HMCN1: variants seen among roughly 807,000 people sequenced by gnomAD.
HMCN1 encodes the protein hemicentin-1.
HMCN1 carries 321 observed loss-of-function variants against 625.9 expected under a neutral mutation model. The observed-to-expected ratio is 0.51, with a 90% CI of 0.47 to 0.56. The LOEUF (loss-of-function observed/expected upper bound fraction) is 0.56, where lower values mean the gene tolerates loss of function less well. Ranked by LOEUF, HMCN1 falls within the 20% of genes least tolerant of loss-of-function variation. The pLI, the probability that HMCN1 is intolerant of heterozygous loss-of-function variation, is 0.00. For missense variants in HMCN1, 6,588 were observed against 6,887.3 expected, an observed-to-expected ratio of 0.96 and a Z score of 1.54; for synonymous variants, 2,425 against 2,417.6, an observed-to-expected ratio of 1.00 and a Z score of -0.09.
chr1:186,126,853 T>C (rs1661670655), intron 82 of HMCN1, among the ~76,000 whole-genome samples: 1 of 152,116 alleles, frequency 6.6e-6, no homozygotes, highest in Non-Finnish European at 1.5e-5. Flanking sequence ...CAATCTTATA[T>C]GCCTTAAATT....
chr1:185,844,928 A>G (rs923041023), intron 1 of HMCN1, among the ~76,000 whole-genome samples: 1 of 152,252 alleles, frequency 6.6e-6, no homozygotes, highest in South Asian at 2.1e-4. Context: ...ACAGATTTCC[A>G]AGTTAACCCA....
chr1:185,786,810 A>G (rs1192742207), intron 1 of HMCN1, among the ~76,000 whole-genome samples: 1 of 152,170 alleles, frequency 6.6e-6, no homozygotes, highest in Non-Finnish European at 1.5e-5. Flanking sequence ...CTAGTGGTCT[A>G]ATTTCCCATC....
At chr1:185,893,898 C>T (rs1665309074) in intron 4 of HMCN1, among the ~76,000 whole-genome samples, 1 of 152,056 alleles carries the variant, frequency 6.6e-6, no homozygotes, top group African/African-American at 2.4e-5. Context: ...AGTACATTAC[C>T]AGGACTCCAT....
At chr1:186,057,468 C>A in intron 46 of HMCN1, 67 bp downstream of exon 46, 1 of 1,101,488 alleles carries the variant, frequency 9.1e-7, no homozygotes, top group Non-Finnish European at 1.4e-6. Context: ...TCCTTAATTT[C>A]AAATTGCTCA....
At chr1:186,115,942 C>T (rs1263124382) in intron 75 of HMCN1, among the ~76,000 whole-genome samples, 1 of 151,496 alleles carries the variant, frequency 6.6e-6, no homozygotes, top group Non-Finnish European at 1.5e-5. Context: ...CTTTAAATCA[C>T]TAAGAATTTC....
At chr1:186,000,559 A>ATGTGTGTGTGTGTGTGTGTGTGTGTGTG (rs68110596) in intron 26 of HMCN1, among the ~76,000 whole-genome samples, 14 of 144,652 alleles carry the variant, frequency 9.7e-5, no homozygotes, top group Non-Finnish European at 1.7e-4. Flanking sequence ...GTGTGTGTGT[A>ATGTGTGTGTGTGTGTGTGTGTGTGTGTG]TGTGTGTGTG....
Position 186,136,784 on chromosome 1 carries a change from G to A in HMCN1, c.13429G>A (p.Gly4477Arg), listed in dbSNP as rs753334623. ...ACCAACCATTACATGGTCCCGTCAA[G>A]GGCACTCTATTTCCTGGGATGACCG... ...PQPTITWSRQ[G>R]HSISWDDRVN... The change falls in exon 87 of 107, where the codon GGG becomes AGG. Residue 4477 changes from glycine to arginine, a missense_variant. Transcript: ENST00000271588. The A allele has an allele frequency of 6.2e-7, 1 of 1,613,990 alleles. No homozygotes were observed. Among genetic ancestry groups the A allele is most frequent in the South Asian group, 1.1e-5 (1 of 91,074 alleles).
At chr1:185,893,213 C>T (rs1278720199) in intron 4 of HMCN1, among the ~76,000 whole-genome samples, 1 of 152,214 alleles carries the variant, frequency 6.6e-6, no homozygotes, top group Non-Finnish European at 1.5e-5. Context: ...CACTGTCTGG[C>T]ACTCCCTAGT....
rs758523815 is a variant in HMCN1 at position 186,166,173 on chromosome 1, T to C, written c.15320-11T>C. The stretch of plus-strand genomic sequence containing the variant: ...ACATACTGATTTGGGCCTTTTTGTT[T>C]CTTCTTTAAGATGAGGATGAATGTG... On this transcript the variant is annotated splice_polypyrimidine_tract_variant and intron_variant, in intron 98 of 106. Transcript: ENST00000271588. The C allele has an allele frequency of 6.2e-7, 1 of 1,614,038 alleles. No individual in the cohort carries two copies. The highest frequency in any genetic ancestry group is 1.7e-5 in the Admixed American group (1 of 60,004).
At chr1:186,136,596 C>T (rs1239518087) in intron 86 of HMCN1, 72 bp from the exon 87 acceptor site, 2 of 1,379,488 alleles carry the variant, frequency 1.4e-6, no homozygotes, top group African/African-American at 2.9e-5. Context: ...AATAATGTCG[C>T]CATATAATAC....
rs758288145 is a variant in HMCN1 at position 186,137,895 on chromosome 1, C to G, written c.13847C>G (p.Pro4616Arg). The G allele has an allele frequency of 6.2e-7, 1 of 1,614,066 alleles. No individual in the cohort carries two copies. The highest frequency in any genetic ancestry group is 2.2e-5 in the East Asian group (1 of 44,872). The change falls in exon 89 of 107, where the codon CCA (proline) becomes CGA (arginine). Residue 4616 changes from proline (P) to arginine (R), a missense_variant. Transcript: ENST00000271588. ...ACCAGGACCAGGACTTGCAATAATCCATCAGTTCAGCATGGTGGGCGGCCA... is the reference window on the plus strand; with the variant it reads ...ACCAGGACCAGGACTTGCAATAATCGATCAGTTCAGCATGGTGGGCGGCCA... ...NQTRTRTCNNPSVQHGGRPCE... is the reference protein window; with the variant it reads ...NQTRTRTCNNRSVQHGGRPCE...
Position 186,189,637 on chromosome 1 carries a change from C to A in HMCN1, c.16667C>A (p.Ala5556Glu). 1 of 1,612,586 alleles carries A rather than the reference C, an allele frequency of 6.2e-7. No homozygotes were observed. The highest frequency in any genetic ancestry group is 8.5e-7 in the Non-Finnish European group (1 of 1,179,134). Reference protein sequence around the residue: ...ATNQDLIRLVAYTQDGVMHPR... With the variant: ...ATNQDLIRLVEYTQDGVMHPR... The stretch of plus-strand genomic sequence containing the variant: ...AATCAAGATTTAATCCGGCTGGTTG[C>A]ATACACACAGGATGGAGTGATGCAT... Residue 5556 changes from alanine to glutamate, a missense_variant, in exon 107 of 107, where the codon GCA becomes GAA. Ala to Glu is a moderately radical substitution (Grantham distance 107). Transcript: ENST00000271588.
chr1:186,070,856 A>C (rs1658436637), intron 52 of HMCN1, 99 bp downstream of exon 52: 1 of 1,249,688 alleles, frequency 8.0e-7, no homozygotes, highest in African/African-American at 1.5e-5. Context: ...TCAGAGAATC[A>C]ATGTGATCTT....
chr1:185,928,778 A>G, intron 10 of HMCN1, 111 bp downstream of exon 10: 1 of 1,142,850 alleles, frequency 8.8e-7, no homozygotes, highest in Non-Finnish European at 1.3e-6. Context: ...TTATTTTATT[A>G]TTGTCTATCT....
intron 25 of HMCN1, 45 bp from the exon 26 acceptor site, chr1:186,000,000 C>A: frequency 1.5e-6 from 2 of 1,331,576 alleles, no homozygotes; most frequent in East Asian, 2.3e-5. Flanking sequence ...TTAATAATTT[C>A]TGTTTTTGTT....
chr1:185,753,426 C>A (rs1189590703), intron 1 of HMCN1, among the ~76,000 whole-genome samples: 1 of 151,984 alleles, frequency 6.6e-6, no homozygotes, highest in Non-Finnish European at 1.5e-5. Context: ...TTGATCATCT[C>A]TAATTTTTTG....
chr1:186,064,339 A>G (rs919279715), intron 48 of HMCN1, among the ~76,000 whole-genome samples: 1 of 152,046 alleles, frequency 6.6e-6, no homozygotes, highest in African/African-American at 2.4e-5. Flanking sequence ...ATCTCTTCCT[A>G]GAGGCTGTAA....
chr1:186,102,851 A>G (rs958251074), intron 68 of HMCN1, among the ~76,000 whole-genome samples: 1 of 152,126 alleles, frequency 6.6e-6, no homozygotes, highest in Non-Finnish European at 1.5e-5. Context: ...AGAACCTTAA[A>G]TGTTTCTTCC....
intron 81 of HMCN1, 94 bp from the exon 82 acceptor site, chr1:186,125,510 C>A: frequency 2.2e-6 from 2 of 926,824 alleles, no homozygotes; most frequent in Non-Finnish European, 1.8e-6. Context: ...GCAAAATTAC[C>A]CTGAAAAGAG....
Sources: gnomAD v4.1 joint callset for allele counts (sites outside exome capture counted in the v4.1 genomes callset) on GRCh38, gnomAD v4.1.1 for gene constraint, MANE v1.5 for transcripts, NCBI Gene and HGNC (gene_info 2026-07-23, HGNC 2026-07-21) for gene names.